The following IL12RB2 variants were observed in gnomAD, a reference collection of about 807,000 sequenced individuals.
The protein encoded by IL12RB2 is interleukin 12 receptor subunit beta 2, also known as interleukin-12 receptor subunit beta-2.
A neutral mutation model predicts 89.4 loss-of-function variants in IL12RB2; 82 were observed. That is an observed-to-expected ratio of 0.92 (90% CI 0.77 to 1.10). The LOEUF is 1.10. Among genes scored for constraint, IL12RB2 ranks in the 50% least tolerant of loss-of-function variants. IL12RB2 has a pLI of 0.00. For synonymous variants in IL12RB2, 368 were observed against 370.1 expected, an observed-to-expected ratio of 0.99 and a Z score of 0.07; for missense variants, 963 against 1,031.9, an observed-to-expected ratio of 0.93 and a Z score of 0.92.
intron 13 of IL12RB2, among the ~76,000 whole-genome samples, chr1:67,374,777 C>CTTTTTTT (rs35122967): frequency 3.7e-5 from 2 of 53,866 alleles, no homozygotes; most frequent in Non-Finnish European, 6.5e-5. Flanking sequence ...AGCCCAGCCT[C>CTTTTTTT]TTTTTTTTTT....
chr1:67,341,529 GAGAAAGAAAGAAAGAAAGAA>G (rs200463047), intron 9 of IL12RB2, among the ~76,000 whole-genome samples: 15 of 110,592 alleles, frequency 1.4e-4, no homozygotes, highest in East Asian at 8.2e-4. Flanking sequence ...AAAAAAGAAA[GAGAAAGAAAGAAAGAAAGAA>G]AGAAAGAAAG....
intron 13 of IL12RB2, among the ~76,000 whole-genome samples, chr1:67,378,669 G>A (rs1033400081): frequency 4.0e-5 from 6 of 151,246 alleles, no homozygotes; most frequent in Admixed American, 4.0e-4. Context: ...GACCAACATG[G>A]TGAAACCCCA....
At chr1:67,377,240 G>T (rs1195888191) in intron 13 of IL12RB2, among the ~76,000 whole-genome samples, 1 of 152,162 alleles carries the variant, frequency 6.6e-6, no homozygotes, top group Non-Finnish European at 1.5e-5. Context: ...TCAGTGCCTT[G>T]TCCAGTGTAG....
intron 9 of IL12RB2, among the ~76,000 whole-genome samples, chr1:67,339,596 C>T (rs531545499): frequency 6.6e-6 from 1 of 152,060 alleles, no homozygotes; most frequent in Non-Finnish European, 1.5e-5. Context: ...AACAGTGAAG[C>T]CTGACATTAT....
At chr1:67,329,833 A>G (rs1163948627) in intron 7 of IL12RB2, 104 bp downstream of exon 7, 1 of 838,530 alleles carries the variant, frequency 1.2e-6, no homozygotes, top group Non-Finnish European at 2.1e-6. Flanking sequence ...AAGAATATTT[A>G]TCCCAAAAGT....
At chr1:67,395,292 A>G (rs1422229492) in intron 16 of IL12RB2, among the ~76,000 whole-genome samples, 1 of 151,754 alleles carries the variant, frequency 6.6e-6, no homozygotes, top group Non-Finnish European at 1.5e-5. Flanking sequence ...AAAGAAAGAA[A>G]GAAACAGGTT....
At chr1:67,382,206 A>AC (rs922581196) in intron 14 of IL12RB2, among the ~76,000 whole-genome samples, 4 of 152,044 alleles carry the variant, frequency 2.6e-5, no homozygotes, top group African/African-American at 9.7e-5. Context: ...ACATAGCAAG[A>AC]CCCCATCTCA....
intron 9 of IL12RB2, among the ~76,000 whole-genome samples, chr1:67,341,851 C>A (rs1569911772): frequency 6.6e-6 from 1 of 152,340 alleles, no homozygotes; most frequent in Admixed American, 6.5e-5. Flanking sequence ...ACTGAGCAGT[C>A]CTGCTTTGGA....
In IL12RB2 at chr1:67,326,782, C is replaced by T. The variant is rs1440150111; in HGVS notation, c.412C>T (p.Gln138Ter). ...QNLSCIQKGE[Q>*]GTVACTWERG... is the part of the protein sequence containing the mutation. ...TTTATCCTGCATACAGAAGGGAGAA[C>T]AGGGGACTGTGGCCTGCACCTGGGA... is the stretch of plus-strand genomic sequence containing the variant. The change falls in exon 5 of 17, where the codon CAG becomes TAG. Residue 138 changes from glutamine (Q) to a stop codon, truncating the protein, a stop_gained. Coordinates refer to ENST00000674203, the MANE Select transcript of IL12RB2 (RefSeq NM_001374259.2). LOFTEE classifies it high-confidence loss of function. 1.2e-6 allele frequency: 2 copies of T among 1,613,946 alleles called. No homozygotes were observed. The highest frequency in any genetic ancestry group is 1.7e-6 in the Non-Finnish European group (2 of 1,179,904).
At chr1:67,341,701 C>T (rs1395262623) in intron 9 of IL12RB2, among the ~76,000 whole-genome samples, 2 of 152,184 alleles carry the variant, frequency 1.3e-5, no homozygotes, top group Admixed American at 1.3e-4. Flanking sequence ...ACTCTCTAGT[C>T]TAAGAGGCTC....
chr1:67,330,266 G>GTTTCTT (rs1657880783), intron 7 of IL12RB2, among the ~76,000 whole-genome samples: 1 of 55,716 alleles, frequency 1.8e-5, no homozygotes, highest in Admixed American at 2.0e-4. Flanking sequence ...TAATTAAAGG[G>GTTTCTT]TTTTTTTAAA....
Position 67,359,064 on chromosome 1 carries a change from C to T in IL12RB2, c.1258+7975C>T, listed in dbSNP as rs147466152. Among the ~76,000 whole-genome samples the T allele has an allele frequency of 6.2e-3, 936 of 152,108 alleles. 6 individuals carry two copies. The highest frequency in any genetic ancestry group is 0.021 in the African/African-American group (867 of 41,490). On this transcript the variant is annotated intron_variant, in intron 10 of 16. Coordinates refer to ENST00000674203, the MANE Select transcript of IL12RB2 (RefSeq NM_001374259.2). The stretch of plus-strand genomic sequence containing the variant: ...GCTGAGGCACGAAAATGGCTTGAGC[C>T]CAGGAGGCAGAGATTGCAGTGAGCC...
rs1324139515 is a variant in IL12RB2 at position 67,314,201 on chromosome 1, C to T, written c.-37+201C>T. Among the ~76,000 whole-genome samples the T allele has an allele frequency of 3.3e-5, 5 of 152,102 alleles. No individual in the cohort carries two copies. The South Asian group carries it at 8.3e-4, about 25-fold the overall frequency. The stretch of plus-strand genomic sequence containing the variant: ...CAGGGCACAGTAGTTACTAGTAACT[C>T]GTGTAGCTCCTTCCTCCCCTGACTT... On this transcript the variant is annotated intron_variant, in intron 2 of 16. Coordinates refer to ENST00000674203, the MANE Select transcript of IL12RB2 (RefSeq NM_001374259.2).
Position 67,326,739 on chromosome 1 carries a change from T to G in IL12RB2, c.369T>G (p.Ala123=), listed in dbSNP as rs372879298. ...TTTTGTCTTTTCTTTTTAAAGTTGC[T>G]CCAGAACAGCCTCAAAATTTATCCT... is the stretch of plus-strand genomic sequence containing the variant. ...ICGAEIFVGV[A]PEQPQNLSCI... is the part of the protein sequence containing the mutation. Residue 123 remains alanine (A), a synonymous_variant, in exon 5 of 17, where the codon GCT becomes GCG. Coordinates refer to ENST00000674203, the MANE Select transcript of IL12RB2 (RefSeq NM_001374259.2). The G allele has an allele frequency of 1.2e-6, 2 of 1,612,752 alleles. No individual in the cohort carries two copies. The highest frequency in any genetic ancestry group is 2.7e-5 in the African/African-American group (2 of 74,838).
chr1:67,345,496 AG>A (rs1660117505), intron 9 of IL12RB2, among the ~76,000 whole-genome samples: 1 of 152,218 alleles, frequency 6.6e-6, no homozygotes. Context: ...GCTTGTTAAA[AG>A]TAGAAAGTAT....
chr1:67,379,380 C>T (rs953124960), intron 13 of IL12RB2, among the ~76,000 whole-genome samples: 8 of 150,674 alleles, frequency 5.3e-5, no homozygotes, highest in Non-Finnish European at 1.0e-4. Flanking sequence ...CATGGTGGCA[C>T]ATACCTGTAG....
intron 11 of IL12RB2, among the ~76,000 whole-genome samples, chr1:67,368,941 G>T (rs1662996720): frequency 6.6e-6 from 1 of 152,206 alleles, no homozygotes. Flanking sequence ...TGTTACGTGA[G>T]ACAGAGCTAA....
chr1:67,320,222 T>A (rs964975708), intron 2 of IL12RB2, 111 bp from the exon 3 acceptor site: 1 of 1,511,092 alleles, frequency 6.6e-7, no homozygotes, highest in Non-Finnish European at 9.0e-7. Context: ...AATAACAAGA[T>A]CTCAACAAGG....
At chr1:67,370,985 C>A (rs962199615) in intron 11 of IL12RB2, among the ~76,000 whole-genome samples, 1 of 152,214 alleles carries the variant, frequency 6.6e-6, no homozygotes, top group Non-Finnish European at 1.5e-5. Context: ...GAACTGTCTG[C>A]CTAACGAGCT....
Sources: allele counts gnomAD v4.1 joint callset (sites outside exome capture counted in the v4.1 genomes callset), GRCh38; gene constraint gnomAD v4.1.1; transcripts MANE v1.5; gene names NCBI Gene and HGNC (gene_info 2026-07-23, HGNC 2026-07-21).